The following GALNT13 variants were observed in gnomAD, a reference collection of about 807,000 sequenced individuals.
GALNT13 encodes the protein UDP-GalNAc:polypeptide N-acetylgalactosaminyltransferase 13.
GALNT13 carries 28 observed loss-of-function variants against 64.2 expected under a neutral mutation model. That is an observed-to-expected ratio of 0.44 (90% CI 0.32 to 0.60). The LOEUF (loss-of-function observed/expected upper bound fraction) is 0.60. Ranked by LOEUF, GALNT13 falls within the 20% of genes least tolerant of loss-of-function variation. The pLI is 0.05. For missense variants in GALNT13, 577 were observed against 669.8 expected, an observed-to-expected ratio of 0.86 and a Z score of 1.53; for synonymous variants, 214 against 224.6, an observed-to-expected ratio of 0.95 and a Z score of 0.42.
At chr2:153,731,613 A>G in the GALNT13 span, among the ~76,000 whole-genome samples, 2,554 of 152,122 alleles carry the variant, frequency 0.017, 69 homozygotes, top group East Asian at 0.13. Flanking sequence ...ACACAGGACT[A>G]TAAATATAGG....
the GALNT13 span, among the ~76,000 whole-genome samples, chr2:153,683,042 A>T: frequency 6.6e-6 from 1 of 151,796 alleles, no homozygotes; most frequent in Non-Finnish European, 1.5e-5. Flanking sequence ...AAGGAAAAAC[A>T]AAATTGAGAA....
chr2:154,241,517 A>T (rs1000425399), intron 4 of GALNT13, among the ~76,000 whole-genome samples: 1 of 152,212 alleles, frequency 6.6e-6, no homozygotes, highest in East Asian at 1.9e-4. Flanking sequence ...AAGGAAACCT[A>T]AATCATTCCT....
At chr2:153,091,435 T>C in the GALNT13 span, among the ~76,000 whole-genome samples, 1 of 152,176 alleles carries the variant, frequency 6.6e-6, no homozygotes, top group Non-Finnish European at 1.5e-5. Context: ...AGAGGCAGGT[T>C]TTCCCCATCT....
intron 3 of GALNT13, among the ~76,000 whole-genome samples, chr2:153,974,477 GTTTT>G (rs946987653): frequency 1.3e-5 from 2 of 152,012 alleles, no homozygotes; most frequent in African/African-American, 4.8e-5. Context: ...TCTATTGAGT[GTTTT>G]TTATGTGCTA....
At chr2:153,933,727 T>C (rs1047028842) in intron 2 of GALNT13, among the ~76,000 whole-genome samples, 1 of 152,182 alleles carries the variant, frequency 6.6e-6, no homozygotes, top group Admixed American at 6.6e-5. Flanking sequence ...GTTTTTTTGG[T>C]GGCCAGTAAT....
the GALNT13 span, among the ~76,000 whole-genome samples, chr2:153,866,651 TATA>T: frequency 6.6e-6 from 1 of 152,190 alleles, no homozygotes; most frequent in Non-Finnish European, 1.5e-5. Context: ...TTACAAAACC[TATA>T]ATAATAAGAT....
the GALNT13 span, among the ~76,000 whole-genome samples, chr2:153,249,966 G>C: frequency 1.3e-5 from 2 of 151,934 alleles, no homozygotes; most frequent in African/African-American, 4.8e-5. Context: ...ATATAGGCAC[G>C]ATCTCATAGT....
At chr2:153,638,254 G>A in the GALNT13 span, among the ~76,000 whole-genome samples, 2 of 152,106 alleles carry the variant, frequency 1.3e-5, no homozygotes, top group Non-Finnish European at 2.9e-5. Flanking sequence ...CTCCAGGAAG[G>A]CAAATCACTG....
At chr2:153,254,248 A>C in the GALNT13 span, among the ~76,000 whole-genome samples, 1 of 151,998 alleles carries the variant, frequency 6.6e-6, no homozygotes, top group African/African-American at 2.4e-5. Flanking sequence ...TTTCTAGTTT[A>C]TTTGCGTAGA....
At chr2:153,857,442 C>A in the GALNT13 span, among the ~76,000 whole-genome samples, 2 of 152,048 alleles carry the variant, frequency 1.3e-5, no homozygotes, top group African/African-American at 4.8e-5. Context: ...ATCTGTATCA[C>A]ATAATCTAAC....
chr2:154,143,105 T>TG (rs1683360273), intron 4 of GALNT13, among the ~76,000 whole-genome samples: 2 of 152,062 alleles, frequency 1.3e-5, no homozygotes, highest in Non-Finnish European at 2.9e-5. Context: ...GATTGGGGGT[T>TG]GGGGGTGATT....
At chr2:153,394,276 A>G in the GALNT13 span, among the ~76,000 whole-genome samples, 1 of 152,218 alleles carries the variant, frequency 6.6e-6, no homozygotes, top group South Asian at 2.1e-4. Flanking sequence ...TGTTGCTACA[A>G]TATAACCTAT....
chr2:153,770,170 GC>G, the GALNT13 span, among the ~76,000 whole-genome samples: 8,068 of 58,658 alleles, frequency 0.14, 464 homozygotes, highest in South Asian at 0.28. Context: ...CCACCCCCCC[GC>G]CCCCCCACAC....
At chr2:153,171,145 T>A in the GALNT13 span, among the ~76,000 whole-genome samples, 517 of 152,374 alleles carry the variant, frequency 3.4e-3, 2 homozygotes, top group African/African-American at 0.012. Flanking sequence ...ATGAGTGGTC[T>A]AAGCCAATTA....
chr2:153,142,089 G>T, the GALNT13 span, among the ~76,000 whole-genome samples: 1 of 152,052 alleles, frequency 6.6e-6, no homozygotes, highest in African/African-American at 2.4e-5. Flanking sequence ...ACGAACTGCT[G>T]AATTCTTTGT....
rs1425416693 is a variant in GALNT13 at position 154,147,864 on chromosome 2, T to G, written c.311+7359T>G. Reference sequence around the variant, plus strand: ...TATTATCCACTATCATGGTTGTTAATGTGTTCTTATATTTCTTTCTTTTTT... The same window carrying G: ...TATTATCCACTATCATGGTTGTTAAGGTGTTCTTATATTTCTTTCTTTTTT... On this transcript the variant is annotated intron_variant, in intron 4 of 12. Transcript: ENST00000392825. Among the ~76,000 whole-genome samples, 3 of 151,846 alleles carry G rather than the reference T, an allele frequency of 2.0e-5. No homozygotes were observed. The East Asian group carries it at 5.8e-4, about 29-fold the overall frequency.
At chr2:153,438,081 A>C in the GALNT13 span, among the ~76,000 whole-genome samples, 3 of 152,170 alleles carry the variant, frequency 2.0e-5, no homozygotes, top group African/African-American at 4.8e-5. Flanking sequence ...TCCTTCACTT[A>C]TGAAGCTTAG....
chr2:153,347,149 G>A, the GALNT13 span, among the ~76,000 whole-genome samples: 1 of 152,212 alleles, frequency 6.6e-6, no homozygotes, highest in Admixed American at 6.5e-5. Flanking sequence ...CTAGAGCCCT[G>A]CCCTGAAGCT....
At chr2:154,118,525 C>T (rs1254368752) in intron 3 of GALNT13, among the ~76,000 whole-genome samples, 1 of 151,498 alleles carries the variant, frequency 6.6e-6, no homozygotes, top group Non-Finnish European at 1.5e-5. Flanking sequence ...CAGGTAATTA[C>T]TGACGAGTAA....
Sources: gnomAD v4.1 joint callset for allele counts (sites outside exome capture counted in the v4.1 genomes callset) on GRCh38, gnomAD v4.1.1 for gene constraint, MANE v1.5 for transcripts, NCBI Gene and HGNC (gene_info 2026-07-23, HGNC 2026-07-21) for gene names.